DDX59: variants seen among roughly 807,000 people sequenced by gnomAD.
DDX59 encodes DEAD-box helicase 59, also known as probable ATP-dependent RNA helicase DDX59.
A neutral mutation model predicts 51.9 loss-of-function variants in DDX59; 30 were observed. The ratio of observed to expected loss-of-function variants is 0.58; its 90% CI spans 0.43 to 0.78. The LOEUF (loss-of-function observed/expected upper bound fraction) is 0.78, where lower values mean the gene tolerates loss of function less well. Ranked by LOEUF, DDX59 falls within the 30% of genes least tolerant of loss-of-function variation. DDX59 has a pLI of 0.00. For synonymous variants in DDX59, 255 were observed against 253.3 expected (o/e 1.01, Z -0.06); for missense variants, 672 against 730.8 (o/e 0.92, Z 0.93).
intron 1 of DDX59, among the ~76,000 whole-genome samples, chr1:200,669,114 ATTCTT>A (rs1335638372): frequency 3.9e-5 from 6 of 152,152 alleles, no homozygotes; most frequent in Non-Finnish European, 8.8e-5. Context: ...TCAGAGTTTG[ATTCTT>A]TTCATCAACC....
At chr1:200,665,100 ATAAAC>A (rs1433064061) in intron 2 of DDX59, among the ~76,000 whole-genome samples, 1 of 152,250 alleles carries the variant, frequency 6.6e-6, no homozygotes, top group African/African-American at 2.4e-5. Flanking sequence ...TCTACACACT[ATAAAC>A]TAACAAGTAA....
At chr1:200,641,366 CT>C (rs1469644637), downstream of DDX59, 5 of 345,658 alleles carry the variant, frequency 1.4e-5, no homozygotes, top group Non-Finnish European at 2.6e-5. Context: ...TGGCAATGAT[CT>C]TTGTAAAGAT....
chr1:200,640,966 G>A (rs555888083), downstream of DDX59: 30 of 254,958 alleles, frequency 1.2e-4, no homozygotes, highest in African/African-American at 6.6e-4. Flanking sequence ...AGTAGAACAA[G>A]AGAACTGTGT....
Position 200,666,708 on chromosome 1 carries a change from C to G in DDX59, c.33G>C (p.Arg11Ser). The G allele has an allele frequency of 6.2e-7, 1 of 1,612,000 alleles. No homozygotes were observed. Among genetic ancestry groups the G allele is most frequent in the Non-Finnish European group, 8.5e-7 (1 of 1,178,372 alleles). Residue 11 changes from arginine (R) to serine (S), a missense_variant, in exon 2 of 8, where the codon AGG (arginine) becomes AGC (serine). Arg to Ser is a moderately radical substitution (Grantham distance 110, BLOSUM62 -1). Coordinates refer to ENST00000331314, the MANE Select transcript of DDX59 (RefSeq NM_001031725.6). MFVPRSLKIK[R>S]NANDDGKSCV... ...AACTTTTGCCATCATCATTAGCATT[C>G]CTCTTGATTTTTAGAGATCTTGGAA...
chr1:200,647,573 G>GA lies in DDX59; in HGVS notation c.1596+865_1596+866insT, dbSNP rs1320407981. On this transcript the variant is annotated intron_variant, in intron 7 of 7. Coordinates refer to ENST00000331314, the MANE Select transcript of DDX59 (RefSeq NM_001031725.6). ...TAATTAACATTTTTGGTTACTTCTA[G>GA]TTTTTTTTTTTTTCTAAGGCACTTT... Among the ~76,000 whole-genome samples, 6 of 141,264 alleles carry GA rather than the reference G, an allele frequency of 4.2e-5. No homozygotes were observed. The Admixed American group carries it at 4.3e-4, about 10-fold the overall frequency. The allele number at this position is 141,264 out of a possible 152,430, so 92.7% of individuals were successfully genotyped here. A position where few individuals can be genotyped will look rare whatever the true frequency, so the allele number is the denominator to read the frequency against.
At position 200,644,230 on chromosome 1, in the gene DDX59, A is replaced by G; in HGVS notation, c.*24T>C. The G allele has an allele frequency of 1.3e-6, 2 of 1,489,662 alleles. No homozygotes were observed. Among genetic ancestry groups the G allele is most frequent in the East Asian group, 2.4e-5 (1 of 41,802 alleles). The allele number at this position is 1,489,662 out of a possible 1,614,324, so 92.3% of individuals were successfully genotyped here. A position where few individuals can be genotyped will look rare whatever the true frequency, so the allele number is the denominator to read the frequency against. On this transcript the variant is annotated 3_prime_UTR_variant, in exon 8 of 8. Coordinates refer to ENST00000331314, the MANE Select transcript of DDX59 (RefSeq NM_001031725.6). The stretch of plus-strand genomic sequence containing the variant: ...TTTTGCTGACTATATACAATAAAAA[A>G]AAATATTCAAGTGGCAGAGAAAATC...
Position 200,666,249 on chromosome 1 carries a change from A to G in DDX59, c.492T>C (p.Ala164=), listed in dbSNP as rs949935985. Residue 164 remains alanine, a synonymous_variant, in exon 2 of 8, where the codon GCT becomes GCC. Coordinates refer to ENST00000331314, the MANE Select transcript of DDX59 (RefSeq NM_001031725.6). The part of the protein sequence containing the change: ...ADSEPESPLN[A]SYVYKEHPFI... The stretch of plus-strand genomic sequence containing the variant: ...AGGGGTGCTCTTTGTAGACATAGGA[A>G]GCATTCAGTGGAGACTCTGGCTCAG... The G allele has an allele frequency of 1.9e-6, 3 of 1,614,232 alleles. No individual in the cohort carries two copies. Among genetic ancestry groups the G allele is most frequent in the Non-Finnish European group, 8.5e-7 (1 of 1,180,042 alleles).
At chr1:200,653,839 G>A (rs1661826038) in intron 4 of DDX59, among the ~76,000 whole-genome samples, 1 of 152,084 alleles carries the variant, frequency 6.6e-6, no homozygotes, top group Admixed American at 6.6e-5. Flanking sequence ...TAGCATAAAT[G>A]TCATCTTCTC....
At position 200,644,276 on chromosome 1, in the gene DDX59, T is replaced by A; in HGVS notation, c.1838A>T (p.Asp613Val). The change falls in exon 8 of 8, where the codon GAT becomes GTT. Residue 613 changes from aspartate to valine, a missense_variant. Asp to Val is a radical substitution (Grantham distance 152). Coordinates refer to ENST00000331314, the MANE Select transcript of DDX59 (RefSeq NM_001031725.6). ...AAATCATTTCTGAGAATTACTTTTA[T>A]CATGTTTTCTGATAATATCCATAAG... ...ANLMDIIRKH[D>V]KSNSQK The A allele has an allele frequency of 6.4e-7, 1 of 1,555,998 alleles. No individual in the cohort carries two copies. Among genetic ancestry groups the A allele is most frequent in the Non-Finnish European group, 8.7e-7 (1 of 1,153,572 alleles).
chr1:200,647,253 A>G (rs1321960893), intron 7 of DDX59, among the ~76,000 whole-genome samples: 1 of 152,190 alleles, frequency 6.6e-6, no homozygotes, highest in East Asian at 1.9e-4. Context: ...CGCTAAGAGA[A>G]GGCTCTATTT....
intron 3 of DDX59, among the ~76,000 whole-genome samples, chr1:200,661,475 G>T (rs1156339691): frequency 6.6e-6 from 1 of 152,118 alleles, no homozygotes; most frequent in African/African-American, 2.4e-5. Flanking sequence ...CAACCTAAAA[G>T]GATGCAATGA....
In DDX59 at chr1:200,649,354, C is replaced by T. The variant is rs543517653; in HGVS notation, c.1315-128G>A. 678 of 923,370 alleles carry T rather than the reference C, an allele frequency of 7.3e-4. 12 individuals are homozygous for T. In the South Asian group the frequency reaches 0.012, roughly 17 times the overall value. The allele number at this position is 923,370 out of a possible 1,614,324, so 57.2% of individuals were successfully genotyped here. A position where few individuals can be genotyped will look rare whatever the true frequency, so the allele number is the denominator to read the frequency against. ...AAATATTGTTAAGAAGGAGGCTGGGCGCGGTGGCTCACACCTGTAATCTCA... is the reference window on the plus strand; with the variant it reads ...AAATATTGTTAAGAAGGAGGCTGGGTGCGGTGGCTCACACCTGTAATCTCA... On this transcript the variant is annotated intron_variant, in intron 5 of 7. Coordinates refer to ENST00000331314, the MANE Select transcript of DDX59 (RefSeq NM_001031725.6).
At chr1:200,665,503 GA>G (rs200737644) in intron 2 of DDX59, among the ~76,000 whole-genome samples, 58 of 147,708 alleles carry the variant, frequency 3.9e-4, no homozygotes, top group Middle Eastern at 3.5e-3. Flanking sequence ...AAAAGAAAAA[GA>G]AAAAAAAAGT....
intron 4 of DDX59, among the ~76,000 whole-genome samples, chr1:200,656,112 G>A (rs1003880437): frequency 1.3e-5 from 2 of 152,322 alleles, no homozygotes; most frequent in African/African-American, 2.4e-5. Flanking sequence ...TTACAGGCGT[G>A]AGCCAACGTG....
rs1558129536 is a variant in DDX59, at chr1:200,664,037, A to G, written c.854T>C (p.Ile285Thr). The change falls in exon 3 of 8, where the codon ATT (isoleucine) becomes ACT (threonine). Residue 285 changes from isoleucine to threonine, a missense_variant. Transcript: ENST00000331314. ...TTCTTTAGCTTGTCTCTCTATCTGA[A>G]TGGCTAACTCTCTGGTTGGTGTAAG... Reference protein sequence around the residue: ...LILTPTRELAIQIERQAKELM... With the variant: ...LILTPTRELATQIERQAKELM... The G allele has an allele frequency of 1.9e-6, 3 of 1,614,214 alleles. No homozygotes were observed. Among genetic ancestry groups the G allele is most frequent in the South Asian group, 2.2e-5 (2 of 91,076 alleles).
rs574787788 is a variant in DDX59 at position 200,651,034 on chromosome 1, G to T, written c.1063-358C>A. On this transcript the variant is annotated intron_variant, in intron 4 of 7. Coordinates refer to ENST00000331314, the MANE Select transcript of DDX59 (RefSeq NM_001031725.6). ...TTATTAAATAATGAATGATTGCTAG[G>T]TTAAAAAAAAGCAAATTACAGAATA... Among the ~76,000 whole-genome samples the T allele has an allele frequency of 1.5e-4, 22 of 151,708 alleles. No homozygotes were observed. The East Asian group carries it at 4.1e-3, about 28-fold the overall frequency.
Position 200,650,592 on chromosome 1 carries a change from C to A in DDX59, c.1147G>T (p.Val383Phe). Reference sequence around the variant, plus strand: ...ATGCTAGTTGGAATTGTGGCTGAAACCAAAATGGTCTGACAATCATTAGGA... The same window carrying A: ...ATGCTAGTTGGAATTGTGGCTGAAAACAAAATGGTCTGACAATCATTAGGA... ...NIPNDCQTIL[V>F]SATIPTSIEQ... The change falls in exon 5 of 8, where the codon GTT (valine) becomes TTT (phenylalanine). Residue 383 changes from valine to phenylalanine, a missense_variant. By Grantham distance (50) the Val-to-Phe change is conservative. Coordinates refer to ENST00000331314, the MANE Select transcript of DDX59 (RefSeq NM_001031725.6). 1 of 1,613,938 alleles carries A rather than the reference C, an allele frequency of 6.2e-7. No homozygotes were observed. Among genetic ancestry groups the A allele is most frequent in the Non-Finnish European group, 8.5e-7 (1 of 1,179,946 alleles).
At position 200,659,017 on chromosome 1, in the gene DDX59, C is replaced by T. The variant is rs1324186137; in HGVS notation, c.1062+10G>A. 2.5e-6 allele frequency: 4 copies of T among 1,590,450 alleles called. No individual in the cohort carries two copies. The highest frequency in any genetic ancestry group is 3.4e-6 in the Non-Finnish European group (4 of 1,165,686). On this transcript the variant is annotated intron_variant, in intron 4 of 7. Transcript: ENST00000331314. The stretch of plus-strand genomic sequence containing the variant: ...AATCATGTAACTGTTTTTTAAATAC[C>T]ACTACTTACTTCATCTACTACCACA...
chr1:200,669,247 A>C (rs1220823617), intron 1 of DDX59, among the ~76,000 whole-genome samples: 3 of 152,234 alleles, frequency 2.0e-5, no homozygotes, highest in African/African-American at 4.8e-5. Flanking sequence ...TTTCTTAAAA[A>C]AATTCTTTGT....
Sources: allele counts gnomAD v4.1 joint callset (sites outside exome capture counted in the v4.1 genomes callset), GRCh38; gene constraint gnomAD v4.1.1; transcripts MANE v1.5; gene names NCBI Gene and HGNC (gene_info 2026-07-23, HGNC 2026-07-21).